Variants in RAPGEF5 observed in about 807,000 individuals in gnomAD.
RAPGEF5 encodes the protein M-Ras-regulated GEF.
A neutral mutation model predicts 125.2 loss-of-function variants in RAPGEF5; 65 were observed. The ratio of observed to expected loss-of-function variants is 0.52; its 90% CI spans 0.43 to 0.64. The LOEUF is 0.64. RAPGEF5 is among the 30% of genes least tolerant of loss of function. The pLI, the probability that RAPGEF5 is intolerant of heterozygous loss-of-function variation, is 0.00. For missense variants in RAPGEF5, 958 were observed against 1,048.1 expected, an observed-to-expected ratio of 0.91 and a Z score of 1.19; for synonymous variants, 391 against 385.9, an observed-to-expected ratio of 1.01 and a Z score of -0.16.
chr7:22,266,048 G>A (rs1313554315), intron 7 of RAPGEF5, among the ~76,000 whole-genome samples: 1 of 152,030 alleles, frequency 6.6e-6, no homozygotes, highest in African/African-American at 2.4e-5. Context: ...TCACTCTAAG[G>A]TATTTTGGTT....
intron 6 of RAPGEF5, among the ~76,000 whole-genome samples, chr7:22,284,088 T>C (rs10262372): frequency 1.4e-4 from 21 of 151,332 alleles, no homozygotes; most frequent in Non-Finnish European, 1.8e-4. Flanking sequence ...TGTGTGTGTG[T>C]GCGCGTGCAT....
intron 7 of RAPGEF5, among the ~76,000 whole-genome samples, chr7:22,251,264 T>C (rs1239059996): frequency 1.3e-5 from 2 of 152,180 alleles, no homozygotes; most frequent in African/African-American, 2.4e-5. Context: ...AAATAAATCA[T>C]AGACAATGCC....
rs1786736796 is a variant in RAPGEF5 at position 22,255,473 on chromosome 7, G to A, written c.796+11491C>T. ...CTGGGCATGGTGGCACATGACTGTA[G>A]TCCCAGTGACTTGGGAGGCTGAGGT... On this transcript the variant is annotated intron_variant, in intron 7 of 25. Transcript: ENST00000665637. Among the ~76,000 whole-genome samples, 3 of 151,850 alleles carry A rather than the reference G, an allele frequency of 2.0e-5. No homozygotes were observed. The South Asian group carries it at 6.2e-4, about 32-fold the overall frequency.
At chr7:22,316,487 ATATTTTT>A (rs1449118996) in intron 2 of RAPGEF5, among the ~76,000 whole-genome samples, 4 of 34,132 alleles carry the variant, frequency 1.2e-4, no homozygotes, top group African/African-American at 4.9e-4. Flanking sequence ...ATATATATAT[ATATTTTT>A]TTTTTTTTTT....
chr7:22,261,196 A>G (rs2528910), intron 7 of RAPGEF5, among the ~76,000 whole-genome samples: 65,129 of 151,922 alleles, frequency 0.43, 14,956 homozygotes, highest in East Asian at 0.73. Context: ...AAAGAGATAT[A>G]TACAAAAATA....
Position 22,143,910 on chromosome 7 carries a change from A to G in RAPGEF5, c.2186+1134T>C, listed in dbSNP as rs534519428. On this transcript the variant is annotated intron_variant, in intron 20 of 25. Coordinates refer to ENST00000665637, the MANE Select transcript of RAPGEF5 (RefSeq NM_012294.5). Reference sequence around the variant, plus strand: ...AGACTCAGTCTGATTTCCCCACACTACCTTGTACACATCTGTACATGTAAG... The same window carrying G: ...AGACTCAGTCTGATTTCCCCACACTGCCTTGTACACATCTGTACATGTAAG... Among the ~76,000 whole-genome samples the G allele has an allele frequency of 5.9e-5, 9 of 151,882 alleles. No homozygotes were observed. In the South Asian group the frequency reaches 1.9e-3, roughly 31 times the overall value.
chr7:22,272,117 G>A lies in RAPGEF5; in HGVS notation c.748-5105C>T, dbSNP rs149199706. ...CCAGCACTTTGGGAGGTCGAGGTGG[G>A]CAGATCATGAGGTCAGGAGTTCGAG... On this transcript the variant is annotated intron_variant, in intron 6 of 25. Coordinates refer to ENST00000665637, the MANE Select transcript of RAPGEF5 (RefSeq NM_012294.5). Among the ~76,000 whole-genome samples the A allele has an allele frequency of 5.3e-4, 81 of 152,160 alleles. No homozygotes were observed. The Middle Eastern group carries it at 0.01, about 19-fold the overall frequency.
chr7:22,323,644 T>C (rs1319990998), intron 1 of RAPGEF5, among the ~76,000 whole-genome samples: 1 of 152,224 alleles, frequency 6.6e-6, no homozygotes. Flanking sequence ...ATTTCCTAGT[T>C]TTATTAACAA....
chr7:22,183,286 A>C (rs1414555257), intron 11 of RAPGEF5, among the ~76,000 whole-genome samples: 1 of 147,942 alleles, frequency 6.8e-6, no homozygotes, highest in African/African-American at 2.5e-5. Context: ...AAAAAAAAAA[A>C]AAAAAAAAAG....
chr7:22,219,214 T>C (rs1054781303), intron 9 of RAPGEF5, among the ~76,000 whole-genome samples: 1 of 152,044 alleles, frequency 6.6e-6, no homozygotes, highest in Admixed American at 6.6e-5. Context: ...AGTGGTCCCA[T>C]TGTCTTCCCA....
intron 3 of RAPGEF5, among the ~76,000 whole-genome samples, 198 bp from the exon 4 acceptor site, chr7:22,310,288 A>G (rs989430640): frequency 2.6e-5 from 4 of 152,204 alleles, no homozygotes; most frequent in Non-Finnish European, 5.9e-5. Flanking sequence ...CAAGAGTCAA[A>G]TTGTCTTCTA....
chr7:22,275,260 C>A (rs1248717407), intron 6 of RAPGEF5, among the ~76,000 whole-genome samples: 1 of 152,210 alleles, frequency 6.6e-6, no homozygotes, highest in Non-Finnish European at 1.5e-5. Flanking sequence ...CTAATGAAAT[C>A]TCCTCTTTAG....
intron 11 of RAPGEF5, among the ~76,000 whole-genome samples, chr7:22,185,498 T>C (rs1198791577): frequency 6.6e-6 from 1 of 152,202 alleles, no homozygotes; most frequent in African/African-American, 2.4e-5. Flanking sequence ...TCAATTATGG[T>C]CAACAAATAC....
At chr7:22,180,417 G>C (rs978510724) in intron 11 of RAPGEF5, among the ~76,000 whole-genome samples, 1 of 152,146 alleles carries the variant, frequency 6.6e-6, no homozygotes, top group East Asian at 1.9e-4. Context: ...GTGTGTGACG[G>C]GCAAGTGTGC....
chr7:22,290,520 C>T (rs973911507), intron 6 of RAPGEF5, among the ~76,000 whole-genome samples: 25 of 151,850 alleles, frequency 1.6e-4, no homozygotes, highest in African/African-American at 5.8e-4. Flanking sequence ...CTGAGGCGGG[C>T]GGATCACAAG....
At chr7:22,298,187 T>A (rs1037311351) in intron 5 of RAPGEF5, among the ~76,000 whole-genome samples, 1 of 151,450 alleles carries the variant, frequency 6.6e-6, no homozygotes, top group Non-Finnish European at 1.5e-5. Context: ...TTTGTTTTTT[T>A]TTTTTTTGAG....
At chr7:22,349,284 C>A (rs895543276) in intron 1 of RAPGEF5, among the ~76,000 whole-genome samples, 1 of 151,452 alleles carries the variant, frequency 6.6e-6, no homozygotes, top group African/African-American at 2.4e-5. Context: ...ATTAGCCAGG[C>A]ATGGTAGTGG....
At position 22,191,175 on chromosome 7, in the gene RAPGEF5, G is replaced by T. The variant is rs562726693; in HGVS notation, c.1204+2192C>A. Among the ~76,000 whole-genome samples the T allele has an allele frequency of 9.2e-5, 14 of 152,152 alleles. 2 individuals carry two copies. The highest frequency in any genetic ancestry group is 3.4e-4 in the African/African-American group (14 of 41,522). ...AATATCTGATTTGCTTAGTATTCGA[G>T]CTATTAATATCTCCTTTTCTTCAAT... On this transcript the variant is annotated intron_variant, in intron 11 of 25. Transcript: ENST00000665637.
chr7:22,237,020 T>C (rs1157938243), intron 7 of RAPGEF5, among the ~76,000 whole-genome samples: 1 of 152,224 alleles, frequency 6.6e-6, no homozygotes, highest in Non-Finnish European at 1.5e-5. Context: ...TCTTCCTTTG[T>C]ACATTTCTTT....
Sources: gnomAD v4.1 joint callset for allele counts (sites outside exome capture counted in the v4.1 genomes callset) on GRCh38, gnomAD v4.1.1 for gene constraint, MANE v1.5 for transcripts, NCBI Gene and HGNC (gene_info 2026-07-23, HGNC 2026-07-21) for gene names.